Variants in CDK11B observed in about 807,000 individuals in gnomAD.
The protein encoded by CDK11B is cyclin-dependent kinase 11B.
Under a neutral mutation model 84.0 loss-of-function variants are expected in CDK11B, and 37 were observed. The ratio of observed to expected loss-of-function variants is 0.44; its 90% CI spans 0.34 to 0.58. CDK11B has a LOEUF of 0.58. CDK11B is among the 20% of genes least tolerant of loss of function. The pLI is 0.02. For synonymous variants in CDK11B, 269 were observed against 309.8 expected (o/e 0.87, Z 1.38); for missense variants, 427 against 834.0 (o/e 0.51, Z 6.01).
chr1:1,636,223 G>C, intron 18 of CDK11B, 97 bp from the exon 19 acceptor site: 1 of 1,117,332 alleles, frequency 8.9e-7, no homozygotes, highest in South Asian at 1.5e-5. Context: ...GGCATGGGAC[G>C]CCAGGCACCA....
At chr1:1,651,839 T>C (rs1170285688) in intron 4 of CDK11B, among the ~76,000 whole-genome samples, 10 of 152,142 alleles carry the variant, frequency 6.6e-5, no homozygotes, top group African/African-American at 2.4e-4. Flanking sequence ...ACACGCATGC[T>C]TTTAGCTAGA....
In CDK11B at chr1:1,635,519, G is replaced by A. The variant is rs1639167105; in HGVS notation, c.*245C>T. 3 of 449,228 alleles carry A rather than the reference G, an allele frequency of 6.7e-6. 1 individual carries two copies. The highest frequency in any genetic ancestry group is 1.1e-5 in the Non-Finnish European group (3 of 263,272). The allele number at this position is 449,228 out of a possible 1,614,324, so 27.8% of individuals were successfully genotyped here. A position where few individuals can be genotyped will look rare whatever the true frequency, so the allele number is the denominator to read the frequency against. ...GAGAGGGTGTGTGGAGGTTTGTGCTGCCCCACGTGGGCACCCGAAGATGTC... is the reference window on the plus strand; with the variant it reads ...GAGAGGGTGTGTGGAGGTTTGTGCTACCCCACGTGGGCACCCGAAGATGTC... On this transcript the variant is annotated 3_prime_UTR_variant, in exon 20 of 20. Transcript: ENST00000341832.
intron 5 of CDK11B, among the ~76,000 whole-genome samples, chr1:1,648,613 C>T (rs1198132106): frequency 6.6e-6 from 1 of 152,036 alleles, no homozygotes; most frequent in Non-Finnish European, 1.5e-5. Context: ...CCCACCTGGC[C>T]TACAGCCTTT....
Position 1,652,428 on chromosome 1 carries a change from T to G in CDK11B, c.355+11A>C. The G allele has an allele frequency of 3.4e-6, 5 of 1,489,902 alleles. No homozygotes were observed. The South Asian group carries it at 7.1e-5, about 21-fold the overall frequency. The allele number at this position is 1,489,902 out of a possible 1,614,324, so 92.3% of individuals were successfully genotyped here. A position where few individuals can be genotyped will look rare whatever the true frequency, so the allele number is the denominator to read the frequency against. Reference sequence around the variant, plus strand: ...TGAACATGATGTCAAAGAAAGTAAATGCTTCTGTACCCCCTTCTGCTGAAT... The same window carrying G: ...TGAACATGATGTCAAAGAAAGTAAAGGCTTCTGTACCCCCTTCTGCTGAAT... On this transcript the variant is annotated intron_variant, in intron 4 of 19. Coordinates refer to ENST00000341832, the MANE Select transcript of CDK11B (RefSeq NM_033486.3).
intron 4 of CDK11B, among the ~76,000 whole-genome samples, chr1:1,652,084 T>C (rs1324551607): frequency 2.6e-5 from 4 of 151,952 alleles, no homozygotes; most frequent in Non-Finnish European, 5.9e-5. Context: ...ATAGCCCTTC[T>C]GAACGGTCTG....
intron 10 of CDK11B, among the ~76,000 whole-genome samples, chr1:1,640,670 G>A (rs1314085363): frequency 1.3e-5 from 2 of 152,044 alleles, no homozygotes; most frequent in Non-Finnish European, 2.9e-5. Flanking sequence ...AGGAGGCGTC[G>A]GGTGTCATGT....
At chr1:1,651,859 G>A (rs1294462243) in intron 4 of CDK11B, among the ~76,000 whole-genome samples, 1 of 121,558 alleles carries the variant, frequency 8.2e-6, no homozygotes, top group Admixed American at 8.4e-5. Context: ...AGTTTGCTCT[G>A]TATAGCCCTT....
In CDK11B at chr1:1,636,990, C is replaced by G. The variant is rs763568609; in HGVS notation, c.1707G>C (p.Gly569=). 5 of 1,611,930 alleles carry G rather than the reference C, an allele frequency of 3.1e-6. No individual in the cohort carries two copies. The highest frequency in any genetic ancestry group is 4.2e-6 in the Non-Finnish European group (5 of 1,178,974). The change falls in exon 16 of 20, where the codon GGG becomes GGC. Residue 569 remains glycine (G), a synonymous_variant. Coordinates refer to ENST00000341832, the MANE Select transcript of CDK11B (RefSeq NM_033486.3). The part of the protein sequence containing the change: ...HAGILKVGDF[G]LAREYGSPLK... The stretch of plus-strand genomic sequence containing the variant: ...GAGGGGATCCGTACTCCCGCGCCAG[C>G]CCGAAGTCACCCACCTGCAACGACA...
intron 4 of CDK11B, among the ~76,000 whole-genome samples, chr1:1,649,965 A>C (rs1271449790): frequency 2.6e-5 from 4 of 151,018 alleles, no homozygotes; most frequent in South Asian, 2.1e-4. Context: ...AAAAAAAAAA[A>C]AAAAACCCAC....
In CDK11B at chr1:1,652,206, G is replaced by A. The variant is rs1326088031; in HGVS notation, c.355+233C>T. 1.1e-4 allele frequency among the ~76,000 whole-genome samples: 16 copies of A among 152,170 alleles called. No homozygotes were observed. In the East Asian group the frequency reaches 3.1e-3, roughly 29 times the overall value. ...TTCTGGTTTTCGGTCTGTGACACAC[G>A]CATGCTTTCAGCTAGAGTTTGCTCT... On this transcript the variant is annotated intron_variant, in intron 4 of 19. Transcript: ENST00000341832.
At chr1:1,649,454 A>C (rs1641608164) in intron 5 of CDK11B, 45 bp downstream of exon 5, 1 of 1,384,092 alleles carries the variant, frequency 7.2e-7, no homozygotes, top group African/African-American at 1.4e-5. Flanking sequence ...GGGACACACT[A>C]CCACAGCCCT....
chr1:1,639,750 C>A (rs1445733962), intron 11 of CDK11B, among the ~76,000 whole-genome samples: 1 of 152,056 alleles, frequency 6.6e-6, no homozygotes, highest in African/African-American at 2.4e-5. Flanking sequence ...GTCTCCCAGG[C>A]CCCAGAGGCC....
In CDK11B at chr1:1,656,564, T is replaced by C. The variant is rs1433873329; in HGVS notation, c.111+811A>G. ...CAGCACTTTGGGAGGCCGAGGTGGG[T>C]GGATCATGAGGTCAGGAGATTAAGA... On this transcript the variant is annotated intron_variant, in intron 2 of 19. Coordinates refer to ENST00000341832, the MANE Select transcript of CDK11B (RefSeq NM_033486.3). Among the ~76,000 whole-genome samples the C allele has an allele frequency of 2.6e-5, 4 of 151,812 alleles. No individual in the cohort carries two copies. In the East Asian group the frequency reaches 7.7e-4, roughly 29 times the overall value.
intron 5 of CDK11B, among the ~76,000 whole-genome samples, chr1:1,649,159 G>A (rs1456577412): frequency 1.3e-5 from 2 of 152,120 alleles, no homozygotes; most frequent in African/African-American, 4.8e-5. Context: ...GAGTGCAGTG[G>A]CGGGATCTCA....
chr1:1,646,837 C>G (rs368436283), intron 5 of CDK11B: 1,512 of 519,658 alleles, frequency 2.9e-3, no homozygotes, highest in African/African-American at 0.027. Context: ...CCACTGCCTT[C>G]TGGCCTCCAT....
At chr1:1,653,223 C>T (rs937336356) in intron 3 of CDK11B, among the ~76,000 whole-genome samples, 1 of 151,752 alleles carries the variant, frequency 6.6e-6, no homozygotes, top group African/African-American at 2.4e-5. Context: ...CGGGGTTTCA[C>T]CATATTGGTC....
rs1275195850 is a variant in CDK11B, at chr1:1,637,171, C to T, written c.1602G>A (p.Leu534=). Reference sequence around the variant, plus strand: ...TGTCGTGCAGGTGTTTCACCCCACGCAGCAGCTGGATCATCAGGGTCTTCA... The same window carrying T: ...TGTCGTGCAGGTGTTTCACCCCACGTAGCAGCTGGATCATCAGGGTCTTCA... ...GEVKTLMIQL[L]RGVKHLHDNW... is the part of the protein sequence containing the mutation. Residue 534 remains leucine (L), a synonymous_variant, in exon 15 of 20, where the codon CTG becomes CTA. Transcript: ENST00000341832. 5.0e-6 allele frequency: 8 copies of T among 1,613,474 alleles called. No homozygotes were observed. The highest frequency in any genetic ancestry group is 4.5e-5 in the East Asian group (2 of 44,878).
chr1:1,654,163 C>T (rs1642409811), intron 3 of CDK11B: 1 of 464,334 alleles, frequency 2.2e-6, no homozygotes, highest in African/African-American at 2.0e-5. Context: ...GCTGTGTTTC[C>T]TTTAATTACT....
rs774110781 is a variant in CDK11B, at chr1:1,655,508, T to A, written c.112-24A>T. 1.9e-6 allele frequency: 3 copies of A among 1,570,158 alleles called. No homozygotes were observed. The African/African-American group carries it at 4.1e-5, about 22-fold the overall frequency. ...GACTAAGAAGCAAAGAGAAAGTTAA[T>A]CATTTTCTTTATAAGTTTTTTTTTC... is the stretch of plus-strand genomic sequence containing the variant. On this transcript the variant is annotated intron_variant, in intron 2 of 19. Coordinates refer to ENST00000341832, the MANE Select transcript of CDK11B (RefSeq NM_033486.3).
Sources: allele counts gnomAD v4.1 joint callset (sites outside exome capture counted in the v4.1 genomes callset), GRCh38; gene constraint gnomAD v4.1.1; transcripts MANE v1.5; gene names NCBI Gene and HGNC (gene_info 2026-07-23, HGNC 2026-07-21).